Variants in PLCB4 observed in about 807,000 individuals in gnomAD.
The protein encoded by PLCB4 is phospholipase C beta 4, also known as 1-phosphatidylinositol 4,5-bisphosphate phosphodiesterase beta-4.
In PLCB4, 77 loss-of-function variants were observed where a neutral mutation model predicts 178.8. That is an observed-to-expected ratio of 0.43 (90% CI 0.36 to 0.52). The LOEUF (loss-of-function observed/expected upper bound fraction) is 0.52. PLCB4 is among the 20% of genes least tolerant of loss of function. The pLI, the probability that PLCB4 is intolerant of heterozygous loss-of-function variation, is 0.00. For missense variants in PLCB4, 1,024 were observed against 1,453.4 expected, an observed-to-expected ratio of 0.70 and a Z score of 4.80; for synonymous variants, 496 against 490.8, an observed-to-expected ratio of 1.01 and a Z score of -0.14.
At position 9,423,877 on chromosome 20, in the gene PLCB4, G is replaced by T. The variant is rs199684222; in HGVS notation, c.2449G>T (p.Gly817Ter). 1 of 1,613,614 alleles carries T rather than the reference G, an allele frequency of 6.2e-7. No homozygotes were observed. ...GYRHISLRNE[G>*]NKPLSLPTIF... Reference sequence around the variant, plus strand: ...TCGACACATTTCCCTTCGAAATGAGGGAAATAAACCATTATCACTACCAAC... The same window carrying T: ...TCGACACATTTCCCTTCGAAATGAGTGAAATAAACCATTATCACTACCAAC... The change falls in exon 28 of 40, where the codon GGA becomes TGA. Residue 817 changes from glycine (G) to a stop codon, truncating the protein, a stop_gained. Transcript: ENST00000378473. LOFTEE classifies it high-confidence loss of function.
In PLCB4 at chr20:9,472,840, G is replaced by T; in HGVS notation, c.3401G>T (p.Arg1134Ile). ...SSNTKKFLEE[R>I]KRLAMKQSKE... ...AACACTAAAAAGTTTCTGGAAGAAAGAAAGAGAGTAAGTATTTTATTATAT... is the reference window on the plus strand; with the variant it reads ...AACACTAAAAAGTTTCTGGAAGAAATAAAGAGAGTAAGTATTTTATTATAT... Residue 1134 changes from arginine (R) to isoleucine (I), a missense_variant, in exon 37 of 40, where the codon AGA (arginine) becomes ATA (isoleucine). Transcript: ENST00000378473. 1 of 1,581,022 alleles carries T rather than the reference G, an allele frequency of 6.3e-7. No homozygotes were observed. Among genetic ancestry groups the T allele is most frequent in the Non-Finnish European group, 8.7e-7 (1 of 1,153,970 alleles).
chr20:9,077,876 C>G lies in PLCB4; in HGVS notation c.-135+8670C>G, dbSNP rs549149723. On this transcript the variant is annotated intron_variant, in intron 1 of 39. Coordinates refer to ENST00000378473, the MANE Select transcript of PLCB4 (RefSeq NM_001377142.1). The stretch of plus-strand genomic sequence containing the variant: ...TTTCAAATACTAGTTATTTAAGAAT[C>G]TCTTTTGCTTTTTACTTAAAGAATG... 3.9e-5 allele frequency among the ~76,000 whole-genome samples: 6 copies of G among 152,294 alleles called. No homozygotes were observed. In the South Asian group the frequency reaches 1.2e-3, roughly 32 times the overall value.
At chr20:9,113,219 A>G (rs1226462879) in intron 2 of PLCB4, among the ~76,000 whole-genome samples, 3 of 152,164 alleles carry the variant, frequency 2.0e-5, no homozygotes, top group Non-Finnish European at 4.4e-5. Flanking sequence ...ATTGTAATAA[A>G]AATTAAAATG....
chr20:9,423,607 G>T, intron 27 of PLCB4, 141 bp from the exon 28 acceptor site: 1 of 654,676 alleles, frequency 1.5e-6, no homozygotes. Context: ...AGTACATTTT[G>T]GGGAATGCAG....
chr20:9,448,287 T>C (rs775697578), intron 32 of PLCB4, among the ~76,000 whole-genome samples: 13 of 152,236 alleles, frequency 8.5e-5, no homozygotes, highest in Non-Finnish European at 1.5e-4. Flanking sequence ...ACAGCTCTTT[T>C]ATAATAGTTT....
At chr20:9,210,789 TG>T (rs1008811863) in intron 2 of PLCB4, among the ~76,000 whole-genome samples, 1 of 152,086 alleles carries the variant, frequency 6.6e-6, no homozygotes, top group African/African-American at 2.4e-5. Context: ...AATTAGTATA[TG>T]GGGGCAGTTC....
intron 21 of PLCB4, among the ~76,000 whole-genome samples, chr20:9,406,592 C>T (rs187737378): frequency 6.6e-6 from 1 of 151,852 alleles, no homozygotes; most frequent in African/African-American, 2.4e-5. Flanking sequence ...GGGTTCACTT[C>T]ATTCGCCATT....
At chr20:9,382,203 G>A (rs2037200553) in intron 13 of PLCB4, among the ~76,000 whole-genome samples, 1 of 152,142 alleles carries the variant, frequency 6.6e-6, no homozygotes, top group African/African-American at 2.4e-5. Flanking sequence ...TGCAAAACCT[G>A]TAAGATCCAG....
rs539185577 is a variant in PLCB4 at position 9,422,495 on chromosome 20, G to A, written c.2319+1034G>A. Among the ~76,000 whole-genome samples, 19 of 152,154 alleles carry A rather than the reference G, an allele frequency of 1.2e-4. No individual in the cohort carries two copies. The South Asian group carries it at 3.3e-3, about 27-fold the overall frequency. On this transcript the variant is annotated intron_variant, in intron 27 of 39. Transcript: ENST00000378473. Reference sequence around the variant, plus strand: ...TTTCCAATTTGTTATAGCTGGATCCGTTACCAGTATGGCTAGTGTTCTTTG... The same window carrying A: ...TTTCCAATTTGTTATAGCTGGATCCATTACCAGTATGGCTAGTGTTCTTTG...
At chr20:9,073,297 A>C (rs556103874) in intron 1 of PLCB4, among the ~76,000 whole-genome samples, 9 of 152,290 alleles carry the variant, frequency 5.9e-5, no homozygotes, top group African/African-American at 2.2e-4. Context: ...CTGATTTTAC[A>C]TTTGACATCT....
intron 3 of PLCB4, among the ~76,000 whole-genome samples, chr20:9,302,376 A>T (rs2094716105): frequency 6.6e-6 from 1 of 152,092 alleles, no homozygotes; most frequent in South Asian, 2.1e-4. Flanking sequence ...CTGTAGTGAA[A>T]CAGGATTGGC....
At chr20:9,346,057 T>C (rs963834024) in intron 7 of PLCB4, among the ~76,000 whole-genome samples, 2 of 152,210 alleles carry the variant, frequency 1.3e-5, no homozygotes, top group African/African-American at 4.8e-5. Flanking sequence ...CCTCTACTGA[T>C]ATTTAACCAC....
chr20:9,128,889 C>A (rs1349031157), intron 2 of PLCB4, among the ~76,000 whole-genome samples: 1 of 152,132 alleles, frequency 6.6e-6, no homozygotes, highest in Non-Finnish European at 1.5e-5. Flanking sequence ...AAATTGACTA[C>A]TCTAGGTTCC....
chr20:9,128,274 G>A (rs572332089), intron 2 of PLCB4, among the ~76,000 whole-genome samples: 8 of 152,206 alleles, frequency 5.3e-5, no homozygotes, highest in African/African-American at 1.9e-4. Context: ...ACTTCCCGAG[G>A]CCCTTACCAG....
rs116130553 is a variant in PLCB4, at chr20:9,392,105, G to A, written c.1324-1483G>A. On this transcript the variant is annotated intron_variant, in intron 17 of 39. Transcript: ENST00000378473. ...CATTTATCTTTCTGATTAGGTTAAG[G>A]TGATTGCTTTTGTGGAAAGTTCACT... is the stretch of plus-strand genomic sequence containing the variant. Among the ~76,000 whole-genome samples, 584 of 152,312 alleles carry A rather than the reference G, an allele frequency of 3.8e-3. 4 individuals are homozygous for A. Among genetic ancestry groups the A allele is most frequent in the African/African-American group, 0.013 (531 of 41,564 alleles).
chr20:9,126,387 A>C (rs1218759102), intron 2 of PLCB4, among the ~76,000 whole-genome samples: 1 of 152,178 alleles, frequency 6.6e-6, no homozygotes, highest in Non-Finnish European at 1.5e-5. Context: ...GATATGTTTT[A>C]AAATGTTATA....
At chr20:9,402,562 G>A (rs759914216) in intron 20 of PLCB4, among the ~76,000 whole-genome samples, 1 of 152,222 alleles carries the variant, frequency 6.6e-6, no homozygotes, top group South Asian at 2.1e-4. Flanking sequence ...TGCTGTGGTT[G>A]CCATATGGAG....
chr20:9,307,146 G>GC (rs1436174651), intron 3 of PLCB4, among the ~76,000 whole-genome samples: 3 of 152,066 alleles, frequency 2.0e-5, no homozygotes, highest in Non-Finnish European at 2.9e-5. Flanking sequence ...ACACCCCGAG[G>GC]CCCCACCTCA....
chr20:9,419,619 C>A (rs1005998071), intron 25 of PLCB4, among the ~76,000 whole-genome samples, 188 bp from the exon 26 acceptor site: 1 of 152,168 alleles, frequency 6.6e-6, no homozygotes, highest in Non-Finnish European at 1.5e-5. Flanking sequence ...CTGGATACCA[C>A]TGAGGCTGCA....
Sources: allele counts gnomAD v4.1 joint callset (sites outside exome capture counted in the v4.1 genomes callset), GRCh38; gene constraint gnomAD v4.1.1; transcripts MANE v1.5; gene names NCBI Gene and HGNC (gene_info 2026-07-23, HGNC 2026-07-21).